The following ZNF549 variants were observed in gnomAD, a reference collection of about 807,000 sequenced individuals.
ZNF549 encodes the protein zinc finger protein 549.
In ZNF549, 11 loss-of-function variants were observed where a neutral mutation model predicts 11.1. The observed-to-expected ratio is 0.99, with a 90% confidence interval of 0.62 to 1.64. ZNF549 has a LOEUF of 1.64. Ranked by LOEUF, ZNF549 falls within the 40% of genes most tolerant of loss-of-function variation. The pLI is 0.00. For synonymous variants in ZNF549, 266 were observed against 269.1 expected, an observed-to-expected ratio of 0.99 and a Z score of 0.11; for missense variants, 748 against 765.1, an observed-to-expected ratio of 0.98 and a Z score of 0.26.
rs369238453 is a variant in ZNF549, at chr19:57,531,389, T to G, written c.72+281T>G. ...AATGATATGGGCATATATAGGGAAC[T>G]GCAAGTCTGTGCACTGTGGCCAAAA... On this transcript the variant is annotated intron_variant, in intron 2 of 3. Transcript: ENST00000376233. Among the ~76,000 whole-genome samples, 34 of 152,366 alleles carry G rather than the reference T, an allele frequency of 2.2e-4. 1 individual carries two copies. The East Asian group carries it at 4.6e-3, about 21-fold the overall frequency.
intron 3 of ZNF549, among the ~76,000 whole-genome samples, chr19:57,536,971 C>T (rs374601084): frequency 3.3e-5 from 5 of 152,176 alleles, no homozygotes; most frequent in Non-Finnish European, 1.5e-5. Context: ...TGGTATATGC[C>T]TGTAGTCCTA....
rs1312105369 is a variant in ZNF549, at chr19:57,537,674, T to G, written c.670T>G (p.Cys224Gly). The G allele has an allele frequency of 1.2e-6, 2 of 1,614,158 alleles. No individual in the cohort carries two copies. Among genetic ancestry groups the G allele is most frequent in the South Asian group, 2.2e-5 (2 of 91,090 alleles). Residue 224 changes from cysteine (C) to glycine (G), a missense_variant, in exon 4 of 4, where the codon TGT becomes GGT. Transcript: ENST00000376233. Reference sequence around the variant, plus strand: ...GACCTTTCAACAAAGACGTTACAAATGTGAGCAAGTTTTCAATGAGAAAGT... The same window carrying G: ...GACCTTTCAACAAAGACGTTACAAAGGTGAGCAAGTTTTCAATGAGAAAGT... ...RETFQQRRYK[C>G]EQVFNEKVHV...
intron 3 of ZNF549, among the ~76,000 whole-genome samples, chr19:57,536,402 TA>T (rs2123315523): frequency 6.6e-6 from 1 of 152,310 alleles, no homozygotes; most frequent in African/African-American, 2.4e-5. Context: ...ACACACTGCG[TA>T]TCACTAGCCT....
chr19:57,538,511 T>G lies in ZNF549; in HGVS notation c.1507T>G (p.Cys503Gly), dbSNP rs1437601036. The G allele has an allele frequency of 2.5e-6, 4 of 1,614,216 alleles. No homozygotes were observed. The South Asian group carries it at 4.4e-5, about 18-fold the overall frequency. Residue 503 changes from cysteine (C) to glycine (G), a missense_variant, in exon 4 of 4, where the codon TGC becomes GGC. By Grantham distance (159) the Cys-to-Gly change is radical (BLOSUM62 -3). Coordinates refer to ENST00000376233, the MANE Select transcript of ZNF549 (RefSeq NM_001199295.2). ...KIHTRERPYE[C>G]SECGKGFYLE... ...CCACACTAGAGAAAGGCCTTATGAA[T>G]GCAGTGAATGTGGAAAAGGCTTCTA...
chr19:57,527,436 C>G lies in ZNF549; in HGVS notation c.-138C>G. 8.1e-7 allele frequency: 1 copy of G among 1,241,984 alleles called. No homozygotes were observed. The highest frequency in any genetic ancestry group is 1.1e-6 in the Non-Finnish European group (1 of 876,662). 76.9% of individuals were successfully genotyped at this position (1,241,984 alleles called of 1,614,324 possible). On this transcript the variant is annotated 5_prime_UTR_variant, in exon 1 of 4. Coordinates refer to ENST00000376233, the MANE Select transcript of ZNF549 (RefSeq NM_001199295.2). ...CGGGCCAGGTAACTGGAGCCGGAAA[C>G]CGGTGGAGGTGGTGTCCGCCCGCAG...
rs766250157 is a variant in ZNF549 at position 57,538,904 on chromosome 19, G to T, written c.1900G>T (p.Val634Leu). 17 of 1,604,690 alleles carry T rather than the reference G, an allele frequency of 1.1e-5. No individual in the cohort carries two copies. The highest frequency in any genetic ancestry group is 1.7e-5 in the Admixed American group (1 of 59,982). ...KRYSLVRHQK[V>L]HITEEP ...ATATTCCCTTGTCAGGCACCAGAAG[G>T]TACATATAACAGAAGAGCCCTAGCA... The change falls in exon 4 of 4, where the codon GTA (valine) becomes TTA (leucine). Residue 634 changes from valine to leucine, a missense_variant. Transcript: ENST00000376233.
chr19:57,530,678 A>G (rs193155304), intron 1 of ZNF549, among the ~76,000 whole-genome samples: 2 of 152,282 alleles, frequency 1.3e-5, no homozygotes, highest in Admixed American at 6.5e-5. Context: ...TAGGACACCT[A>G]GTTGGTATCA....
chr19:57,535,393 T>C, intron 3 of ZNF549, 123 bp downstream of exon 3: 2 of 1,391,598 alleles, frequency 1.4e-6, no homozygotes, highest in Non-Finnish European at 1.9e-6. Context: ...GTTCTTGACC[T>C]GTGGAAGACA....
chr19:57,527,525 C>T lies in ZNF549; in HGVS notation c.-49C>T, dbSNP rs911299189. ...ATTTGCCACCGCACGCACGCCGGAT[C>T]CCGGGCTTTACCGCCCGCCTTTCCA... On this transcript the variant is annotated 5_prime_UTR_variant, in exon 1 of 4. Transcript: ENST00000376233. 1.9e-6 allele frequency: 3 copies of T among 1,611,648 alleles called. No individual in the cohort carries two copies. The highest frequency in any genetic ancestry group is 1.3e-5 in the African/African-American group (1 of 74,952).
chr19:57,535,049 A>G (rs1473702395), intron 2 of ZNF549, 95 bp from the exon 3 acceptor site: 6 of 1,481,768 alleles, frequency 4.0e-6, no homozygotes, highest in Middle Eastern at 2.4e-4. Context: ...AGGACCTGGT[A>G]TCTCCTCTGA....
rs2089930383 is a variant in ZNF549, at chr19:57,537,448, A to G, written c.444A>G (p.Gln148=). 6.2e-7 allele frequency: 1 copy of G among 1,614,236 alleles called. No homozygotes were observed. Among genetic ancestry groups the G allele is most frequent in the Non-Finnish European group, 8.5e-7 (1 of 1,180,056 alleles). The change falls in exon 4 of 4, where the codon CAA becomes CAG. Residue 148 remains glutamine (Q), a synonymous_variant. Coordinates refer to ENST00000376233, the MANE Select transcript of ZNF549 (RefSeq NM_001199295.2). ...GKWFSFGSNL[Q]QHQNQDSGEK... The stretch of plus-strand genomic sequence containing the variant: ...GGTTTTCATTTGGTTCTAACCTGCA[A>G]CAGCACCAGAACCAGGACAGTGGAG...
At chr19:57,535,664 C>A (rs2089921372) in intron 3 of ZNF549, among the ~76,000 whole-genome samples, 1 of 152,192 alleles carries the variant, frequency 6.6e-6, no homozygotes, top group East Asian at 1.9e-4. Context: ...TTGTAGGGAA[C>A]CCTAGACTAT....
chr19:57,529,464 A>T (rs559199217), intron 1 of ZNF549, among the ~76,000 whole-genome samples: 2 of 152,376 alleles, frequency 1.3e-5, no homozygotes, highest in East Asian at 3.9e-4. Flanking sequence ...GAGACAATAA[A>T]AAAGCAAAAG....
intron 1 of ZNF549, among the ~76,000 whole-genome samples, chr19:57,529,859 C>T (rs574463277): frequency 6.6e-6 from 1 of 151,966 alleles, no homozygotes; most frequent in East Asian, 1.9e-4. Flanking sequence ...ACACTCCAGC[C>T]TGGGCGACAG....
At chr19:57,535,719 C>G (rs1026461617) in intron 3 of ZNF549, among the ~76,000 whole-genome samples, 28 of 152,126 alleles carry the variant, frequency 1.8e-4, no homozygotes, top group Non-Finnish European at 3.7e-4. Flanking sequence ...ATAAATTTCC[C>G]TCCTGTAGTC....
rs921915007 is a variant in ZNF549, at chr19:57,540,414, G to A, written c.*1487G>A. On this transcript the variant is annotated 3_prime_UTR_variant, in exon 4 of 4. Coordinates refer to ENST00000376233, the MANE Select transcript of ZNF549 (RefSeq NM_001199295.2). ...AACTGTCTGTATGGTTTATTGCCCA[G>A]TTAATGGGTTTTGATAGTCATGTTA... 2.0e-5 allele frequency: 3 copies of A among 152,338 alleles called. No individual in the cohort carries two copies. Among genetic ancestry groups the A allele is most frequent in the African/African-American group, 7.2e-5 (3 of 41,578 alleles). The allele number at this position is 152,338 out of a possible 1,614,324, so 9.4% of individuals were successfully genotyped here.
chr19:57,535,502 C>T (rs11879711), intron 3 of ZNF549: 7,448 of 488,348 alleles, frequency 0.015, 165 homozygotes, highest in African/African-American at 0.061. Flanking sequence ...TTGTAACTTG[C>T]CCAACCGACA....
intron 1 of ZNF549, among the ~76,000 whole-genome samples, chr19:57,529,866 A>G (rs2089896390): frequency 6.6e-6 from 1 of 152,156 alleles, no homozygotes; most frequent in South Asian, 2.1e-4. Flanking sequence ...AGCCTGGGCG[A>G]CAGAGCGAGG....
At chr19:57,529,119 T>C (rs1007899409) in intron 1 of ZNF549, among the ~76,000 whole-genome samples, 9 of 152,246 alleles carry the variant, frequency 5.9e-5, no homozygotes, top group Admixed American at 4.6e-4. Context: ...CAAATAATTA[T>C]CACTGTGTTA....
Sources: gnomAD v4.1 joint callset for allele counts (sites outside exome capture counted in the v4.1 genomes callset) on GRCh38, gnomAD v4.1.1 for gene constraint, MANE v1.5 for transcripts, NCBI Gene and HGNC (gene_info 2026-07-23, HGNC 2026-07-21) for gene names.